Variants in AASDH observed in about 807,000 individuals in gnomAD.
AASDH encodes the protein beta-alanine-activating enzyme.
A neutral mutation model predicts 102.3 loss-of-function variants in AASDH; 81 were observed. The ratio of observed to expected loss-of-function variants is 0.79; its 90% CI spans 0.66 to 0.95. The LOEUF is 0.95. AASDH is among the 40% of genes least tolerant of loss of function. AASDH has a pLI of 0.00. For synonymous variants in AASDH, 398 were observed against 454.0 expected, an observed-to-expected ratio of 0.88 and a Z score of 1.57; for missense variants, 1,203 against 1,266.2, an observed-to-expected ratio of 0.95 and a Z score of 0.76.
chr4:56,372,616 G>T (rs1234020361), intron 4 of AASDH, among the ~76,000 whole-genome samples: 1 of 152,116 alleles, frequency 6.6e-6, no homozygotes, highest in Non-Finnish European at 1.5e-5. Flanking sequence ...TTCAAATATG[G>T]TATAAACATT....
chr4:56,374,062 T>C (rs1246247022), intron 4 of AASDH, among the ~76,000 whole-genome samples: 1 of 151,892 alleles, frequency 6.6e-6, no homozygotes, highest in Non-Finnish European at 1.5e-5. Flanking sequence ...AGAAACCAAG[T>C]TGGTATGAAG....
At chr4:56,363,375 G>A (rs867817941) in intron 5 of AASDH, among the ~76,000 whole-genome samples, 9 of 152,230 alleles carry the variant, frequency 5.9e-5, no homozygotes, top group Non-Finnish European at 5.9e-5. Flanking sequence ...GAAGAGAGTA[G>A]TGGTTCTCCC....
intron 5 of AASDH, among the ~76,000 whole-genome samples, chr4:56,361,633 C>T (rs1750310115): frequency 6.6e-6 from 1 of 152,080 alleles, no homozygotes; most frequent in African/African-American, 2.4e-5. Flanking sequence ...CATTATTATG[C>T]TGACACATTC....
chr4:56,353,710 C>A, intron 8 of AASDH, 114 bp from the exon 9 acceptor site: 1 of 982,534 alleles, frequency 1.0e-6, no homozygotes, highest in South Asian at 1.9e-5. Context: ...TTGGAATATA[C>A]TGGAGATTTT....
At chr4:56,371,240 T>A (rs911729964) in intron 5 of AASDH, among the ~76,000 whole-genome samples, 4 of 152,112 alleles carry the variant, frequency 2.6e-5, no homozygotes, top group African/African-American at 7.2e-5. Flanking sequence ...ACAAAATACA[T>A]AATAAAAGAA....
intron 5 of AASDH, among the ~76,000 whole-genome samples, chr4:56,364,891 G>A (rs1178874622): frequency 1.3e-5 from 2 of 152,104 alleles, no homozygotes; most frequent in Non-Finnish European, 2.9e-5. Context: ...ATGTAAATGG[G>A]CTAAATGCTC....
At chr4:56,375,913 C>T (rs941569872) in intron 4 of AASDH, among the ~76,000 whole-genome samples, 9 of 152,088 alleles carry the variant, frequency 5.9e-5, no homozygotes, top group African/African-American at 2.2e-4. Flanking sequence ...GTATCTTCCT[C>T]CCATCTAAAT....
chr4:56,339,909 C>T (rs1454051465), intron 14 of AASDH, among the ~76,000 whole-genome samples: 1 of 151,968 alleles, frequency 6.6e-6, no homozygotes, highest in Admixed American at 6.6e-5. Context: ...TGGCTCACAC[C>T]TGTAATCCCA....
In AASDH at chr4:56,338,779, A is replaced by G. The variant is rs115571683; in HGVS notation, c.2920T>C (p.Ser974Pro). 2.2e-3 allele frequency: 3,550 copies of G among 1,613,900 alleles called. 17 individuals carry two copies. The highest frequency in any genetic ancestry group is 1.7e-3 in the Non-Finnish European group (2,054 of 1,179,916). The part of the protein sequence containing the change: ...THFGEQVWQF[S>P]TSGPIFSSPC... The stretch of plus-strand genomic sequence containing the variant: ...GATGAAAAGATTGGTCCACTGGTAG[A>G]GAACTGCCAAACCTATAACAAGTAA... The change falls in exon 15 of 15, where the codon TCT (serine) becomes CCT (proline). Residue 974 changes from serine (S) to proline (P), a missense_variant. Ser to Pro is a moderately conservative substitution (Grantham distance 74, BLOSUM62 -1). Transcript: ENST00000205214.
At chr4:56,344,338 T>C (rs920662738) in intron 12 of AASDH, among the ~76,000 whole-genome samples, 1 of 152,192 alleles carries the variant, frequency 6.6e-6, no homozygotes, top group African/African-American at 2.4e-5. Context: ...TGTCTTCTAA[T>C]CTAACACCAT....
Position 56,349,561 on chromosome 4 carries a change from C to T in AASDH, c.2190G>A (p.Lys730=), listed in dbSNP as rs753502388. 4 of 1,614,212 alleles carry T rather than the reference C, an allele frequency of 2.5e-6. No individual in the cohort carries two copies. In the East Asian group the frequency reaches 8.9e-5, roughly 36 times the overall value. ...TTGCAACACAGGATGGATCTTTTGACTTCCCAATAAGAACTGGAGAATTTA... is the reference window on the plus strand; with the variant it reads ...TTGCAACACAGGATGGATCTTTTGATTTCCCAATAAGAACTGGAGAATTTA... The part of the protein sequence containing the change: ...KGLNSPVLIG[K]SKDPSCVAKV... The change falls in exon 11 of 15, where the codon AAG becomes AAA. Residue 730 remains lysine (K), a synonymous_variant. Transcript: ENST00000205214.
chr4:56,367,492 A>G (rs1458035175), intron 5 of AASDH, among the ~76,000 whole-genome samples: 1 of 107,824 alleles, frequency 9.3e-6, no homozygotes, highest in African/African-American at 3.3e-5. Context: ...AGTAACCAAA[A>G]CAGCATGGTA....
At chr4:56,375,854 A>G (rs1752279452) in intron 4 of AASDH, among the ~76,000 whole-genome samples, 1 of 152,104 alleles carries the variant, frequency 6.6e-6, no homozygotes, top group Admixed American at 6.6e-5. Flanking sequence ...TCAAAAAAAG[A>G]GGTATTCCAC....
Position 56,349,346 on chromosome 4 carries a change from C to A in AASDH, c.2405G>T (p.Gly802Val), listed in dbSNP as rs1748693484. The A allele has an allele frequency of 6.2e-7, 1 of 1,614,014 alleles. No individual in the cohort carries two copies. Among genetic ancestry groups the A allele is most frequent in the African/African-American group, 1.3e-5 (1 of 74,910 alleles). ...HRMKAVDFYS[G>V]KVKWEQILGD... ...CAAAATCTGTTCCCATTTTACCTTC[C>A]CAGAGTAAAAGTCAACTGCCTTCAT... is the stretch of plus-strand genomic sequence containing the variant. The change falls in exon 11 of 15, where the codon GGG becomes GTG. Residue 802 changes from glycine (G) to valine (V), a missense_variant. Physicochemically the swap from Gly to Val is moderately radical, Grantham distance 109. Coordinates refer to ENST00000205214, the MANE Select transcript of AASDH (RefSeq NM_181806.4).
chr4:56,378,594 T>C, intron 3 of AASDH, 130 bp from the exon 4 acceptor site: 3 of 800,190 alleles, frequency 3.7e-6, no homozygotes, highest in South Asian at 2.0e-5. Context: ...TCATCTCAGA[T>C]ACCAAAATCT....
At chr4:56,350,168 A>C in intron 10 of AASDH, 110 bp from the exon 11 acceptor site, 2 of 1,032,342 alleles carry the variant, frequency 1.9e-6, no homozygotes, top group South Asian at 1.8e-5. Context: ...ATAATTAGAA[A>C]TATAGGTCGG....
At chr4:56,367,873 C>A (rs942553264) in intron 5 of AASDH, among the ~76,000 whole-genome samples, 25 of 151,266 alleles carry the variant, frequency 1.7e-4, no homozygotes, top group Non-Finnish European at 3.1e-4. Context: ...CAAATGGGAT[C>A]TCATTAAACT....
Position 56,354,055 on chromosome 4 carries a change from A to G in AASDH, c.1367T>C (p.Ile456Thr), listed in dbSNP as rs778694227. ...QIKRHGKRLN[I>T]ELVQQVAEEL... ...TAGTTCTACCTGTTGCACAAGTTCA[A>G]TGTTAAGACGTTTGCCATGACGTTT... Residue 456 changes from isoleucine to threonine, a missense_variant, in exon 8 of 15, where the codon ATT (isoleucine) becomes ACT (threonine). Physicochemically the swap from Ile to Thr is moderately conservative, Grantham distance 89. Coordinates refer to ENST00000205214, the MANE Select transcript of AASDH (RefSeq NM_181806.4). 3.1e-6 allele frequency: 5 copies of G among 1,610,612 alleles called. No homozygotes were observed. The highest frequency in any genetic ancestry group is 2.2e-5 in the East Asian group (1 of 44,818).
At chr4:56,376,167 G>A (rs1263031161) in intron 4 of AASDH, among the ~76,000 whole-genome samples, 1 of 151,782 alleles carries the variant, frequency 6.6e-6, no homozygotes, top group African/African-American at 2.4e-5. Flanking sequence ...AGGATTATAG[G>A]CACAGACCAC....
Sources: allele counts gnomAD v4.1 joint callset (sites outside exome capture counted in the v4.1 genomes callset), GRCh38; gene constraint gnomAD v4.1.1; transcripts MANE v1.5; gene names NCBI Gene and HGNC (gene_info 2026-07-23, HGNC 2026-07-21).